MICALL1: variants seen among roughly 807,000 people sequenced by gnomAD.
The protein encoded by MICALL1 is MICAL-like protein 1.
Under a neutral mutation model 83.7 loss-of-function variants are expected in MICALL1, and 61 were observed. The observed-to-expected ratio is 0.73, with a 90% CI of 0.59 to 0.90. MICALL1 has a LOEUF of 0.90. MICALL1 is among the 40% of genes least tolerant of loss of function. MICALL1 has a pLI of 0.00. For synonymous variants in MICALL1, 481 were observed against 473.6 expected (o/e 1.02, Z -0.20); for missense variants, 1,066 against 1,152.0 (o/e 0.93, Z 1.08).
rs1390085113 is a variant in MICALL1 at position 37,932,532 on chromosome 22, T to A, written c.2017-21T>A. On this transcript the variant is annotated intron_variant, in intron 10 of 15. Coordinates refer to ENST00000215957, the MANE Select transcript of MICALL1 (RefSeq NM_033386.4). This position sits in a 1 kb window ranked among gnomAD's most constrained non-coding sequence, Gnocchi z 4.4. ...GGCAGCAACCAGGCAGGCCGTCAGGTGACCAGGCACTGTTGGGCAGGTCCA... is the reference window on the plus strand; with the variant it reads ...GGCAGCAACCAGGCAGGCCGTCAGGAGACCAGGCACTGTTGGGCAGGTCCA... The A allele has an allele frequency of 6.2e-7, 1 of 1,612,154 alleles. No homozygotes were observed. The highest frequency in any genetic ancestry group is 1.3e-5 in the African/African-American group (1 of 74,900).
chr22:37,918,799 CAG>C (rs1286014490), intron 4 of MICALL1, among the ~76,000 whole-genome samples: 1 of 152,242 alleles, frequency 6.6e-6, no homozygotes, highest in East Asian at 1.9e-4. Context: ...CGCACTGGCT[CAG>C]TGACCTTGAA....
chr22:37,932,650 T>C lies in MICALL1; in HGVS notation c.2114T>C (p.Leu705Pro). Residue 705 changes from leucine to proline, a missense_variant, in exon 11 of 16, where the codon CTG (leucine) becomes CCG (proline). Transcript: ENST00000215957. This position sits in a 1 kb window ranked among gnomAD's most constrained non-coding sequence, Gnocchi z 4.4. Reference protein sequence around the residue: ...LDALEHRGVLLEEKLRGGLNE... With the variant: ...LDALEHRGVLPEEKLRGGLNE... ...GCCCTGGAGCACCGTGGGGTGCTGCTGGAGGAGAAGCTGCGTGGCGGCCTG... is the reference window on the plus strand; with the variant it reads ...GCCCTGGAGCACCGTGGGGTGCTGCCGGAGGAGAAGCTGCGTGGCGGCCTG... 6.2e-7 allele frequency: 1 copy of C among 1,614,018 alleles called. No homozygotes were observed. The highest frequency in any genetic ancestry group is 2.2e-5 in the East Asian group (1 of 44,864).
In MICALL1 at chr22:37,922,287, C is replaced by G. The variant is rs767547221; in HGVS notation, c.885C>G (p.Ser295Arg). Reference sequence around the variant, plus strand: ...CTGGCAAACTACAGGAGCTGGCCAGCCCCCCTGCGGGCCGCCCCACCCCTG... The same window carrying G: ...CTGGCAAACTACAGGAGCTGGCCAGGCCCCCTGCGGGCCGCCCCACCCCTG... Reference protein sequence around the residue: ...RVPGKLQELASPPAGRPTPAP... With the variant: ...RVPGKLQELARPPAGRPTPAP... Residue 295 changes from serine (S) to arginine (R), a missense_variant, in exon 6 of 16, where the codon AGC becomes AGG. Ser to Arg is a moderately radical substitution (Grantham distance 110, BLOSUM62 -1). Transcript: ENST00000215957. 3.8e-6 allele frequency: 6 copies of G among 1,560,606 alleles called. No homozygotes were observed. Among genetic ancestry groups the G allele is most frequent in the Non-Finnish European group, 5.2e-6 (6 of 1,153,542 alleles).
Position 37,922,225 on chromosome 22 carries a change from G to A in MICALL1, c.823G>A (p.Glu275Lys), listed in dbSNP as rs1456964181. ...AEADGPKASP[E>K]ARPQIPTKPR... ...GGCCGATGGACCCAAGGCCAGCCCT[G>A]AGGCCCGGCCGCAGATCCCTACCAA... is the stretch of plus-strand genomic sequence containing the variant. Residue 275 changes from glutamate (E) to lysine (K), a missense_variant, in exon 6 of 16, where the codon GAG (glutamate) becomes AAG (lysine). Transcript: ENST00000215957. 6.2e-7 allele frequency: 1 copy of A among 1,608,878 alleles called. No homozygotes were observed. Among genetic ancestry groups the A allele is most frequent in the East Asian group, 2.2e-5 (1 of 44,748 alleles).
At chr22:37,928,635 G>T (rs1929624880) in intron 9 of MICALL1, among the ~76,000 whole-genome samples, 1 of 152,162 alleles carries the variant, frequency 6.6e-6, no homozygotes. Flanking sequence ...ATCTGCCAGA[G>T]CTCCCACCTA....
chr22:37,912,037 G>GTGTA (rs1286864390), intron 2 of MICALL1, 37 bp downstream of exon 2: 14 of 1,577,538 alleles, frequency 8.9e-6, no homozygotes, highest in Non-Finnish European at 1.2e-5. Flanking sequence ...AAGAGGCTCT[G>GTGTA]TGTATGTGTG....
At position 37,926,045 on chromosome 22, in the gene MICALL1, T is replaced by C; in HGVS notation, c.1465+2T>C. ...GCGCACCCAGCGCGTCCCCACTGGG[T>C]GAGTGCCTTTCCTGGAGCTCTCCTG... is the stretch of plus-strand genomic sequence containing the variant. On this transcript the variant is annotated splice_donor_variant, in intron 8 of 15. Transcript: ENST00000215957. LOFTEE classifies it high-confidence loss of function. 1 of 1,585,932 alleles carries C rather than the reference T, an allele frequency of 6.3e-7. No homozygotes were observed. Among genetic ancestry groups the C allele is most frequent in the Non-Finnish European group, 8.6e-7 (1 of 1,163,806 alleles).
At chr22:37,937,912 C>A in intron 15 of MICALL1, 120 bp downstream of exon 15, 1 of 1,215,722 alleles carries the variant, frequency 8.2e-7, no homozygotes. Flanking sequence ...TGTGCACAAA[C>A]TCCGCAGCCT....
In MICALL1 at chr22:37,906,333, G is replaced by A. The variant is rs1364188091; in HGVS notation, c.-90G>A. On this transcript the variant is annotated 5_prime_UTR_variant, in exon 1 of 16. Transcript: ENST00000215957. The surrounding 1 kb of genome is among the most constrained non-coding windows in gnomAD (Gnocchi z 4.4). ...GGCGCCCGAGCTCGGAGCCGCAGCC[G>A]CAGCCGGAAACCGGGCCCGCGCGGC... The A allele has an allele frequency of 1.2e-5, 11 of 933,848 alleles. No individual in the cohort carries two copies. The highest frequency in any genetic ancestry group is 1.8e-5 in the African/African-American group (1 of 55,560). 57.8% of individuals were successfully genotyped at this position (933,848 alleles called of 1,614,324 possible).
At chr22:37,931,668 A>ACTGT in intron 9 of MICALL1, 131 bp from the exon 10 acceptor site, 1 of 1,032,544 alleles carries the variant, frequency 9.7e-7, no homozygotes, top group East Asian at 2.4e-5. Context: ...ATTCAAGGAG[A>ACTGT]CTGTCTCTTT....
At chr22:37,926,305 C>T (rs977937036) in intron 8 of MICALL1, among the ~76,000 whole-genome samples, 2 of 152,212 alleles carry the variant, frequency 1.3e-5, no homozygotes, top group Admixed American at 6.5e-5. Flanking sequence ...TTTGAACCCA[C>T]GGAGTCTGGC....
rs533644031 is a variant in MICALL1 at position 37,915,846 on chromosome 22, T to C, written c.338-1861T>C. 5.3e-5 allele frequency among the ~76,000 whole-genome samples: 8 copies of C among 152,130 alleles called. No individual in the cohort carries two copies. In the South Asian group the frequency reaches 1.7e-3, roughly 32 times the overall value. ...ATTTTTAGTAGAGATAGGGTTTCACTATGATGGCCGGTCTGGTCTGGGATT... is the reference window on the plus strand; with the variant it reads ...ATTTTTAGTAGAGATAGGGTTTCACCATGATGGCCGGTCTGGTCTGGGATT... On this transcript the variant is annotated intron_variant, in intron 3 of 15. Coordinates refer to ENST00000215957, the MANE Select transcript of MICALL1 (RefSeq NM_033386.4).
intron 13 of MICALL1, among the ~76,000 whole-genome samples, chr22:37,934,914 T>A (rs1930016577): frequency 6.9e-6 from 1 of 145,028 alleles, no homozygotes; most frequent in African/African-American, 2.5e-5. Flanking sequence ...TTATTTATTT[T>A]ATTTTATTTA....
intron 1 of MICALL1, 48 bp from the exon 2 acceptor site, chr22:37,911,904 C>T (rs772595352): frequency 1.9e-6 from 3 of 1,600,282 alleles, no homozygotes; most frequent in East Asian, 2.2e-5. Context: ...CCCCTATTTC[C>T]CAGTCACCTC....
At position 37,932,765 on chromosome 22, in the gene MICALL1, C is replaced by T; in HGVS notation, c.2144-33C>T. The T allele has an allele frequency of 6.2e-7, 1 of 1,613,742 alleles. No individual in the cohort carries two copies. The highest frequency in any genetic ancestry group is 8.5e-7 in the Non-Finnish European group (1 of 1,179,818). ...GGGGAACTGAGCCAGGCATGGCAGC[C>T]AGCCCTGGCCTCAGTGGGTATCTGG... On this transcript the variant is annotated intron_variant, in intron 11 of 15. Coordinates refer to ENST00000215957, the MANE Select transcript of MICALL1 (RefSeq NM_033386.4). The surrounding 1 kb of genome is among the most constrained non-coding windows in gnomAD (Gnocchi z 4.4).
chr22:37,937,969 G>A, intron 15 of MICALL1, 177 bp downstream of exon 15: 1 of 798,688 alleles, frequency 1.3e-6, no homozygotes, highest in Non-Finnish European at 2.0e-6. Flanking sequence ...CCAGCATACA[G>A]CCAGGAAGGC....
At chr22:37,907,810 T>C (rs1601799319) in intron 1 of MICALL1, among the ~76,000 whole-genome samples, 1 of 151,770 alleles carries the variant, frequency 6.6e-6, no homozygotes, top group Non-Finnish European at 1.5e-5. Context: ...CAAGATGAGG[T>C]GGTCATGTAG....
At chr22:37,940,560 T>A in intron 15 of MICALL1, 149 bp from the exon 16 acceptor site, 1 of 839,576 alleles carries the variant, frequency 1.2e-6, no homozygotes, top group Non-Finnish European at 1.8e-6. Flanking sequence ...GAAAGGTGAG[T>A]GTCTTGTCCC....
intron 3 of MICALL1, among the ~76,000 whole-genome samples, chr22:37,912,852 AG>A (rs1928423988): frequency 6.6e-6 from 1 of 151,576 alleles, no homozygotes; most frequent in Non-Finnish European, 1.5e-5. Context: ...TAGTAGAGAC[AG>A]GGTTTCACTA....
Sources: gnomAD v4.1 joint callset for allele counts (sites outside exome capture counted in the v4.1 genomes callset) on GRCh38, gnomAD v4.1.1 for gene constraint, Gnocchi (gnomAD v3.1) non-coding constraint, MANE v1.5 for transcripts, NCBI Gene and HGNC (gene_info 2026-07-23, HGNC 2026-07-21) for gene names.